Variants in VCL observed in about 807,000 individuals in gnomAD.
The protein encoded by VCL is epididymis luminal protein 114.
VCL carries 47 observed loss-of-function variants against 125.7 expected under a neutral mutation model. The ratio of observed to expected loss-of-function variants is 0.37; its 90% CI spans 0.30 to 0.48. VCL has a LOEUF of 0.48. Among genes scored for constraint, VCL ranks in the 20% least tolerant of loss-of-function variants. VCL has a pLI of 0.99. For synonymous variants in VCL, 458 were observed against 514.6 expected (o/e 0.89, Z 1.49); for missense variants, 1,069 against 1,455.5 (o/e 0.73, Z 4.32).
At chr10:74,045,265 GGATAGATAGATAGATA>G (rs35058961) in intron 2 of VCL, among the ~76,000 whole-genome samples, 75 of 147,236 alleles carry the variant, frequency 5.1e-4, no homozygotes, top group African/African-American at 1.3e-3. Context: ...ACAGAGAGAC[GGATAGATAGATAGATA>G]GATAGATAGA....
intron 1 of VCL, among the ~76,000 whole-genome samples, chr10:74,007,892 T>C (rs945233052): frequency 6.6e-6 from 1 of 151,942 alleles, no homozygotes; most frequent in African/African-American, 2.4e-5. Flanking sequence ...AACCTCTGCC[T>C]CCTGGGTTCA....
chr10:74,033,773 G>A, intron 1 of VCL, among the ~76,000 whole-genome samples: 1 of 152,102 alleles, frequency 6.6e-6, no homozygotes, highest in East Asian at 1.9e-4. Flanking sequence ...AACTCCCTCT[G>A]AATATCCCAG....
intron 1 of VCL, among the ~76,000 whole-genome samples, chr10:74,020,528 C>T (rs1300337910): frequency 6.6e-6 from 1 of 151,898 alleles, no homozygotes; most frequent in Non-Finnish European, 1.5e-5. Context: ...CTGGGAGGGA[C>T]AGATATCTAT....
At chr10:74,070,359 C>T (rs952508791) in intron 2 of VCL, among the ~76,000 whole-genome samples, 3 of 152,110 alleles carry the variant, frequency 2.0e-5, no homozygotes, top group East Asian at 3.8e-4. Context: ...GATGTTTTCT[C>T]GTCATTTTTT....
chr10:74,105,148 C>T lies in VCL; in HGVS notation c.2229C>T (p.Asn743=), dbSNP rs376448550. Residue 743 remains asparagine, a synonymous_variant, in exon 16 of 22, where the codon AAC becomes AAT. Coordinates refer to ENST00000211998, the MANE Select transcript of VCL (RefSeq NM_014000.3). ...DLDKCKVAMA[N]IQPQMLVAGA... ...ACAAGTGCAAGGTAGCTATGGCCAA[C>T]ATTCAGCCTCAGATGCTGGTTGCTG... 6.2e-7 allele frequency: 1 copy of T among 1,614,214 alleles called. No individual in the cohort carries two copies. Among genetic ancestry groups the T allele is most frequent in the Non-Finnish European group, 8.5e-7 (1 of 1,180,034 alleles).
chr10:74,073,964 A>G (rs1227447546), intron 5 of VCL, among the ~76,000 whole-genome samples: 1 of 152,136 alleles, frequency 6.6e-6, no homozygotes, highest in Non-Finnish European at 1.5e-5. Context: ...ACAGTGGCTC[A>G]CTCCTGTAAT....
intron 1 of VCL, among the ~76,000 whole-genome samples, chr10:74,005,761 C>G (rs1840313264): frequency 6.6e-6 from 1 of 152,032 alleles, no homozygotes; most frequent in Non-Finnish European, 1.5e-5. Flanking sequence ...TGCACATCCT[C>G]CTGTATACTT....
intron 18 of VCL, among the ~76,000 whole-genome samples, chr10:74,110,729 A>G (rs890072229): frequency 6.6e-6 from 1 of 152,230 alleles, no homozygotes; most frequent in Non-Finnish European, 1.5e-5. Flanking sequence ...TAACAACCTC[A>G]AAGAAAATTC....
At chr10:74,095,042 C>T (rs999692901) in intron 11 of VCL, among the ~76,000 whole-genome samples, 1 of 152,152 alleles carries the variant, frequency 6.6e-6, no homozygotes, top group Non-Finnish European at 1.5e-5. Flanking sequence ...TAAATTAGTA[C>T]AAACTTTCTA....
chr10:74,037,811 T>C (rs1175790909), intron 1 of VCL, among the ~76,000 whole-genome samples: 1 of 152,186 alleles, frequency 6.6e-6, no homozygotes, highest in African/African-American at 2.4e-5. Context: ...ATAGTAGCTG[T>C]GTGAAGAATG....
intron 1 of VCL, among the ~76,000 whole-genome samples, chr10:74,032,625 G>C (rs1333507411): frequency 6.6e-6 from 1 of 151,726 alleles, no homozygotes; most frequent in Non-Finnish European, 1.5e-5. Flanking sequence ...GCTTGAACCC[G>C]GGAGGCGGAG....
chr10:74,107,335 C>G lies in VCL; in HGVS notation c.2540C>G (p.Pro847Arg). The change falls in exon 17 of 22, where the codon CCA (proline) becomes CGA (arginine). Residue 847 changes from proline to arginine, a missense_variant. By Grantham distance (103) the Pro-to-Arg change is moderately radical. Transcript: ENST00000211998. ...GAGCCTGACTTCCCGCCGCCTCCAC[C>G]AGACCTTGAACAACTCCGAGTAAGT... ...PQEPDFPPPP[P>R]DLEQLRLTDE... is the part of the protein sequence containing the mutation. 6.2e-7 allele frequency: 1 copy of G among 1,614,208 alleles called. No homozygotes were observed. The highest frequency in any genetic ancestry group is 8.5e-7 in the Non-Finnish European group (1 of 1,180,036).
At chr10:74,056,286 A>G (rs1002243825) in intron 2 of VCL, among the ~76,000 whole-genome samples, 6 of 151,794 alleles carry the variant, frequency 4.0e-5, no homozygotes, top group Non-Finnish European at 8.8e-5. Context: ...AATGTTTTCA[A>G]TATGACTCAT....
In VCL at chr10:74,018,567, G is replaced by A. The variant is rs963510249; in HGVS notation, c.168+20192G>A. Among the ~76,000 whole-genome samples, 3 of 152,158 alleles carry A rather than the reference G, an allele frequency of 2.0e-5. No homozygotes were observed. The South Asian group carries it at 6.2e-4, about 32-fold the overall frequency. On this transcript the variant is annotated intron_variant, in intron 1 of 21. Coordinates refer to ENST00000211998, the MANE Select transcript of VCL (RefSeq NM_014000.3). ...AAAATGGGAATACCTTCTGTGCAGAGTGAATACAAAGATACAAGGGTGTGA... is the reference window on the plus strand; with the variant it reads ...AAAATGGGAATACCTTCTGTGCAGAATGAATACAAAGATACAAGGGTGTGA...
chr10:74,030,060 T>C (rs56736356), intron 1 of VCL, among the ~76,000 whole-genome samples: 2,375 of 152,326 alleles, frequency 0.016, 70 homozygotes, highest in African/African-American at 0.055. Context: ...TTGAGATGTT[T>C]GCCTAATGCA....
intron 2 of VCL, among the ~76,000 whole-genome samples, chr10:74,058,997 A>T (rs1195797985): frequency 6.6e-6 from 1 of 152,188 alleles, no homozygotes; most frequent in African/African-American, 2.4e-5. Context: ...AATCATCTTT[A>T]TAAGTAGTGC....
intron 12 of VCL, among the ~76,000 whole-genome samples, chr10:74,096,105 A>G (rs1450483886): frequency 6.6e-6 from 1 of 151,220 alleles, no homozygotes; most frequent in Non-Finnish European, 1.5e-5. Flanking sequence ...CTCTATCCAC[A>G]TATCATCTGT....
Position 74,066,061 on chromosome 10 carries a change from A to AT in VCL, c.240-4594dup, listed in dbSNP as rs954704183. On this transcript the variant is annotated intron_variant, in intron 2 of 21. Coordinates refer to ENST00000211998, the MANE Select transcript of VCL (RefSeq NM_014000.3). ...AATCAATTTTGGTATATATATATATATTTTTTTTTTTTTTTGAGATGGAGT... is the reference window on the plus strand; with the variant it reads ...AATCAATTTTGGTATATATATATATATTTTTTTTTTTTTTTTGAGATGGAGT... Among the ~76,000 whole-genome samples, 841 of 137,476 alleles carry AT rather than the reference A, an allele frequency of 6.1e-3. 8 individuals are homozygous for AT. Among genetic ancestry groups the AT allele is most frequent in the African/African-American group, 0.016 (601 of 37,984 alleles). 90.2% of individuals were successfully genotyped at this position (137,476 alleles called of 152,430 possible). A position where few individuals can be genotyped will look rare whatever the true frequency, so the allele number is the denominator to read the frequency against.
intron 10 of VCL, among the ~76,000 whole-genome samples, chr10:74,091,489 G>A (rs1308385782): frequency 4.6e-5 from 7 of 152,122 alleles, no homozygotes; most frequent in Non-Finnish European, 1.5e-5. Flanking sequence ...ACTCTTAAGA[G>A]AGTATCTAAG....
Sources: allele counts gnomAD v4.1 joint callset (sites outside exome capture counted in the v4.1 genomes callset), GRCh38; gene constraint gnomAD v4.1.1; transcripts MANE v1.5; gene names NCBI Gene and HGNC (gene_info 2026-07-23, HGNC 2026-07-21).